Variants in NKAIN2 observed in about 807,000 individuals in gnomAD.
NKAIN2 encodes the protein sodium/potassium transporting ATPase interacting 2.
Under a neutral mutation model 32.6 loss-of-function variants are expected in NKAIN2, and 14 were observed. That is an observed-to-expected ratio of 0.43 (90% confidence interval 0.28 to 0.67). The LOEUF is 0.67. Among genes scored for constraint, NKAIN2 ranks in the 30% least tolerant of loss-of-function variants. The pLI, the probability that NKAIN2 is intolerant of heterozygous loss-of-function variation, is 0.17. For synonymous variants in NKAIN2, 80 were observed against 87.2 expected (o/e 0.92, Z 0.46); for missense variants, 198 against 258.3 (o/e 0.77, Z 1.60).
chr6:124,289,435 C>T (rs1795701774), intron 2 of NKAIN2, among the ~76,000 whole-genome samples: 1 of 150,556 alleles, frequency 6.6e-6, no homozygotes, highest in South Asian at 2.1e-4. Flanking sequence ...CCATGGCATC[C>T]TGGCCAAAGC....
chr6:124,295,987 A>G (rs1238647101), intron 2 of NKAIN2, among the ~76,000 whole-genome samples: 2 of 152,166 alleles, frequency 1.3e-5, no homozygotes, highest in African/African-American at 4.8e-5. Context: ...AGACTATCTC[A>G]ATGAATAACA....
chr6:124,269,823 C>T (rs140081671), intron 1 of NKAIN2, among the ~76,000 whole-genome samples: 332 of 152,122 alleles, frequency 2.2e-3, no homozygotes, highest in African/African-American at 7.4e-3. Context: ...TACATGGTAG[C>T]GATCTCAATA....
intron 3 of NKAIN2, among the ~76,000 whole-genome samples, chr6:124,610,467 G>A (rs1277692619): frequency 6.6e-6 from 1 of 152,120 alleles, no homozygotes. Context: ...CATAGCAAAG[G>A]GAGAACTAAT....
intron 3 of NKAIN2, among the ~76,000 whole-genome samples, chr6:124,416,726 C>T (rs1208228425): frequency 6.6e-6 from 1 of 152,106 alleles, no homozygotes; most frequent in Non-Finnish European, 1.5e-5. Flanking sequence ...AGTGAAGAGG[C>T]AACACCCCTT....
intron 3 of NKAIN2, among the ~76,000 whole-genome samples, chr6:124,640,074 T>C (rs183224705): frequency 2.3e-4 from 35 of 152,290 alleles, no homozygotes; most frequent in African/African-American, 7.9e-4. Flanking sequence ...CTCTGTATCC[T>C]ATAAACACAT....
At chr6:124,198,768 G>A (rs1314762573) in intron 1 of NKAIN2, among the ~76,000 whole-genome samples, 3 of 152,014 alleles carry the variant, frequency 2.0e-5, no homozygotes, top group Non-Finnish European at 4.4e-5. Flanking sequence ...TTTTATGGTG[G>A]TCCACGTTCT....
chr6:124,535,950 C>T (rs1189532436), intron 3 of NKAIN2, among the ~76,000 whole-genome samples: 3 of 152,166 alleles, frequency 2.0e-5, no homozygotes, highest in African/African-American at 2.4e-5. Context: ...TTCTACTTTT[C>T]GTGATAAGGT....
In NKAIN2 at chr6:124,236,663, T is replaced by A. The variant is rs141955787; in HGVS notation, c.55-46342T>A. On this transcript the variant is annotated intron_variant, in intron 1 of 6. Transcript: ENST00000368417. Reference sequence around the variant, plus strand: ...TGGAAAGCTTATTAAATATCCAGATTCCTTGGTTTTGTCTAAGGCAACTGT... The same window carrying A: ...TGGAAAGCTTATTAAATATCCAGATACCTTGGTTTTGTCTAAGGCAACTGT... Among the ~76,000 whole-genome samples, 158 of 152,292 alleles carry A rather than the reference T, an allele frequency of 1.0e-3. 1 individual carries two copies. The highest frequency in any genetic ancestry group is 3.7e-3 in the African/African-American group (153 of 41,576).
rs140562487 is a variant in NKAIN2 at position 123,835,249 on chromosome 6, A to G, written c.54+30995A>G. 5.7e-3 allele frequency among the ~76,000 whole-genome samples: 873 copies of G among 152,292 alleles called. 12 individuals are homozygous for G. The highest frequency in any genetic ancestry group is 6.7e-3 in the Non-Finnish European group (458 of 68,022). On this transcript the variant is annotated intron_variant, in intron 1 of 6. Coordinates refer to ENST00000368417, the MANE Select transcript of NKAIN2 (RefSeq NM_001040214.3). The stretch of plus-strand genomic sequence containing the variant: ...TATCACAAAAATAGAGGAGCATTTG[A>G]AATTCCACCCACCCATGTTTGTTAA...
intron 3 of NKAIN2, among the ~76,000 whole-genome samples, chr6:124,505,001 G>A (rs751728196): frequency 6.6e-6 from 1 of 152,154 alleles, no homozygotes; most frequent in Non-Finnish European, 1.5e-5. Context: ...GACTGTTGCT[G>A]AAGGACTGCT....
intron 4 of NKAIN2, among the ~76,000 whole-genome samples, chr6:124,662,315 A>G (rs1055071822): frequency 1.3e-5 from 2 of 152,114 alleles, no homozygotes; most frequent in African/African-American, 4.8e-5. Context: ...ATATATATAT[A>G]TATATGTAAG....
intron 3 of NKAIN2, among the ~76,000 whole-genome samples, chr6:124,627,637 C>CTT (rs1783405086): frequency 2.6e-5 from 4 of 152,112 alleles, no homozygotes; most frequent in African/African-American, 9.7e-5. Flanking sequence ...AGTCTGAATT[C>CTT]TTAGTCATCC....
chr6:124,684,283 AGT>A (rs1773759942), intron 4 of NKAIN2, among the ~76,000 whole-genome samples: 2 of 152,282 alleles, frequency 1.3e-5, no homozygotes, highest in Non-Finnish European at 2.9e-5. Context: ...AATGACTTGT[AGT>A]GGAGTTTAGT....
chr6:124,237,655 T>G (rs1486707797), intron 1 of NKAIN2, among the ~76,000 whole-genome samples: 1 of 152,130 alleles, frequency 6.6e-6, no homozygotes, highest in Admixed American at 6.6e-5. Context: ...CACAAGGTAG[T>G]AAGAATATTC....
chr6:124,703,396 A>G (rs1774897713), intron 4 of NKAIN2, among the ~76,000 whole-genome samples: 1 of 152,120 alleles, frequency 6.6e-6, no homozygotes, highest in Non-Finnish European at 1.5e-5. Context: ...TTACTTGGGC[A>G]ACTTTGGAAG....
At chr6:124,728,098 C>T (rs1481584488) in intron 4 of NKAIN2, among the ~76,000 whole-genome samples, 9 of 148,846 alleles carry the variant, frequency 6.0e-5, no homozygotes, top group African/African-American at 2.2e-4. Context: ...GACTCCCACA[C>T]ATTAATAATG....
intron 1 of NKAIN2, among the ~76,000 whole-genome samples, chr6:124,152,722 G>A (rs184322714): frequency 1.8e-3 from 277 of 152,000 alleles, no homozygotes; most frequent in Non-Finnish European, 3.3e-3. Context: ...TTGTGTTTGA[G>A]TACTTCACAG....
At chr6:124,712,958 G>GT (rs1173667953) in intron 4 of NKAIN2, among the ~76,000 whole-genome samples, 1 of 151,906 alleles carries the variant, frequency 6.6e-6, no homozygotes, top group Non-Finnish European at 1.5e-5. Flanking sequence ...AAATTATAGA[G>GT]TTTTTTTTCT....
chr6:124,413,313 C>T (rs1774302541), intron 3 of NKAIN2, among the ~76,000 whole-genome samples: 1 of 152,160 alleles, frequency 6.6e-6, no homozygotes, highest in Non-Finnish European at 1.5e-5. Flanking sequence ...TGCAGATTTT[C>T]AATTGTTGTG....
Sources: gnomAD v4.1 joint callset for allele counts (sites outside exome capture counted in the v4.1 genomes callset) on GRCh38, gnomAD v4.1.1 for gene constraint, MANE v1.5 for transcripts, NCBI Gene and HGNC (gene_info 2026-07-23, HGNC 2026-07-21) for gene names.